Variants in SLMAP observed in about 807,000 individuals in gnomAD.
SLMAP encodes sarcolemma associated protein.
SLMAP carries 44 observed loss-of-function variants against 128.8 expected under a neutral mutation model. The observed-to-expected ratio is 0.34, with a 90% CI of 0.27 to 0.44. SLMAP has a LOEUF of 0.44. SLMAP is among the 20% of genes least tolerant of loss of function. SLMAP has a pLI of 1.00. For missense variants in SLMAP, 787 were observed against 985.3 expected (o/e 0.80, Z 2.69); for synonymous variants, 327 against 348.8 (o/e 0.94, Z 0.70).
intron 3 of SLMAP, among the ~76,000 whole-genome samples, chr3:57,840,154 A>G (rs1259768649): frequency 6.6e-6 from 1 of 151,892 alleles, no homozygotes; most frequent in African/African-American, 2.4e-5. Flanking sequence ...AGGTTTCACC[A>G]TGTTGGCCAG....
intron 10 of SLMAP, among the ~76,000 whole-genome samples, chr3:57,862,681 T>C (rs1430077426): frequency 6.7e-6 from 1 of 149,958 alleles, no homozygotes; most frequent in Non-Finnish European, 1.5e-5. Context: ...AAACCACTGG[T>C]ATAGATAGAT....
chr3:57,886,832 G>A (rs985215640), intron 14 of SLMAP, among the ~76,000 whole-genome samples: 2 of 152,006 alleles, frequency 1.3e-5, no homozygotes, highest in African/African-American at 4.8e-5. Flanking sequence ...GACACAGAAT[G>A]TCATGTGTTA....
intron 3 of SLMAP, among the ~76,000 whole-genome samples, chr3:57,834,114 C>A (rs2093499357): frequency 6.6e-6 from 1 of 152,016 alleles, no homozygotes; most frequent in Admixed American, 6.6e-5. Context: ...TACAGTAAGT[C>A]TTTTAGTCAG....
chr3:57,843,689 GCCTT>G (rs1303994203), intron 4 of SLMAP, among the ~76,000 whole-genome samples: 1 of 145,382 alleles, frequency 6.9e-6, no homozygotes, highest in Non-Finnish European at 1.5e-5. Context: ...GCCAATAATT[GCCTT>G]CCTTCCTTCC....
At chr3:57,789,094 A>G (rs921508804) in intron 2 of SLMAP, among the ~76,000 whole-genome samples, 1 of 152,224 alleles carries the variant, frequency 6.6e-6, no homozygotes, top group Non-Finnish European at 1.5e-5. Flanking sequence ...CTCTCTGTCC[A>G]GATTAATTTC....
chr3:57,784,041 C>T (rs888955462), intron 2 of SLMAP, among the ~76,000 whole-genome samples: 2 of 152,128 alleles, frequency 1.3e-5, no homozygotes, highest in Non-Finnish European at 2.9e-5. Flanking sequence ...AACCATGGGG[C>T]CATGGCAGCC....
intron 6 of SLMAP, among the ~76,000 whole-genome samples, chr3:57,851,535 C>T (rs1402953066): frequency 6.6e-6 from 1 of 151,250 alleles, no homozygotes; most frequent in Non-Finnish European, 1.5e-5. Context: ...TGCACTGGCG[C>T]AATCTAGGCT....
At chr3:57,804,237 T>C (rs907088184) in intron 2 of SLMAP, among the ~76,000 whole-genome samples, 1 of 152,238 alleles carries the variant, frequency 6.6e-6, no homozygotes, top group African/African-American at 2.4e-5. Context: ...GTATTTGTAT[T>C]ATTTTTGTCT....
intron 14 of SLMAP, among the ~76,000 whole-genome samples, chr3:57,888,221 CA>C (rs1461199450): frequency 6.6e-6 from 1 of 151,792 alleles, no homozygotes; most frequent in East Asian, 1.9e-4. Context: ...ATTAATAAAA[CA>C]AAAAAATGAA....
chr3:57,922,800 A>C, intron 22 of SLMAP, 89 bp from the exon 23 acceptor site: 1 of 1,213,886 alleles, frequency 8.2e-7, no homozygotes. Flanking sequence ...AGGTGACTAA[A>C]TAGGATCTGG....
chr3:57,858,911 T>A (rs2094915291), intron 8 of SLMAP, among the ~76,000 whole-genome samples: 1 of 151,828 alleles, frequency 6.6e-6, no homozygotes, highest in African/African-American at 2.4e-5. Context: ...CATTGCAATG[T>A]AGCCTGGGCA....
chr3:57,809,752 G>A (rs2090594707), intron 2 of SLMAP, among the ~76,000 whole-genome samples: 1 of 152,086 alleles, frequency 6.6e-6, no homozygotes, highest in Admixed American at 6.5e-5. Flanking sequence ...AAAAGCCTCG[G>A]GCTCAGCCAG....
intron 2 of SLMAP, among the ~76,000 whole-genome samples, chr3:57,771,175 TCC>T (rs1576220260): frequency 0.035 from 2,131 of 61,516 alleles, 55 homozygotes; most frequent in African/African-American, 0.11. Flanking sequence ...TCCCCTCCCC[TCC>T]CCTCTCCTCT....
At chr3:57,761,111 T>G (rs1345681540) in intron 2 of SLMAP, among the ~76,000 whole-genome samples, 1 of 151,898 alleles carries the variant, frequency 6.6e-6, no homozygotes, top group Admixed American at 6.6e-5. Flanking sequence ...ATAAATCACT[T>G]AGCACCCTGT....
At chr3:57,769,485 G>A (rs940455251) in intron 2 of SLMAP, among the ~76,000 whole-genome samples, 8 of 151,906 alleles carry the variant, frequency 5.3e-5, no homozygotes, top group Non-Finnish European at 1.2e-4. Flanking sequence ...GAGCCACCGC[G>A]CCCGGCTGGA....
chr3:57,813,710 G>A (rs913852013), intron 2 of SLMAP, among the ~76,000 whole-genome samples: 2 of 152,194 alleles, frequency 1.3e-5, no homozygotes, highest in African/African-American at 4.8e-5. Flanking sequence ...AGGTGTTAAT[G>A]CAACTACTAC....
chr3:57,845,024 A>C (rs2094175376), intron 4 of SLMAP, among the ~76,000 whole-genome samples: 1 of 152,188 alleles, frequency 6.6e-6, no homozygotes, highest in Admixed American at 6.5e-5. Flanking sequence ...ATATATACCC[A>C]CAATGGTTAT....
At chr3:57,849,905 G>A (rs1466368036) in intron 6 of SLMAP, 89 bp downstream of exon 6, 2 of 777,752 alleles carry the variant, frequency 2.6e-6, no homozygotes, top group Admixed American at 3.7e-5. Context: ...CAGGCATGGT[G>A]GCTAATGCCT....
At chr3:57,906,302 T>TTTTTTTC (rs2096544720) in intron 17 of SLMAP, among the ~76,000 whole-genome samples, 2 of 97,810 alleles carry the variant, frequency 2.0e-5, no homozygotes, top group African/African-American at 3.6e-5. Context: ...ATTTTTTTCT[T>TTTTTTTC]TTTTTTTCTT....
Sources: gnomAD v4.1 joint callset for allele counts (sites outside exome capture counted in the v4.1 genomes callset) on GRCh38, gnomAD v4.1.1 for gene constraint, MANE v1.5 for transcripts, NCBI Gene and HGNC (gene_info 2026-07-23, HGNC 2026-07-21) for gene names.